Variants in STEAP1B observed in about 807,000 individuals in gnomAD.
STEAP1B encodes the protein STEAP family member 1B.
A neutral mutation model predicts 27.9 loss-of-function variants in STEAP1B; 13 were observed. That is an observed-to-expected ratio of 0.47 (90% CI 0.30 to 0.74). STEAP1B has a LOEUF of 0.74. STEAP1B is among the 30% of genes least tolerant of loss of function. The probability of loss-of-function intolerance (pLI) is 0.06; values close to 1 mark genes in which losing one functional copy is unlikely to be tolerated. For missense variants in STEAP1B, 250 were observed against 298.7 expected, an observed-to-expected ratio of 0.84 and a Z score of 1.20; for synonymous variants, 86 against 107.1, an observed-to-expected ratio of 0.80 and a Z score of 1.22.
At chr7:22,439,894 G>A (rs539069746) in intron 4 of STEAP1B, among the ~76,000 whole-genome samples, 2 of 152,134 alleles carry the variant, frequency 1.3e-5, no homozygotes, top group Non-Finnish European at 2.9e-5. Flanking sequence ...AAAACCTCAT[G>A]CATCAACAAT....
In STEAP1B at chr7:22,500,163, G is replaced by A. The variant is rs921019275; in HGVS notation, c.-81C>T. On this transcript the variant is annotated 5_prime_UTR_variant, in exon 1 of 5. Transcript: ENST00000678116. Reference sequence around the variant, plus strand: ...TGAGTCTCAGCTGCCGCTGCTGCCGGGAGGTGCCGGCCCCACGCGGCGCCT... The same window carrying A: ...TGAGTCTCAGCTGCCGCTGCTGCCGAGAGGTGCCGGCCCCACGCGGCGCCT... 1 of 152,832 alleles carries A rather than the reference G, an allele frequency of 6.5e-6. No individual in the cohort carries two copies. The highest frequency in any genetic ancestry group is 1.5e-5 in the Non-Finnish European group (1 of 68,280). 9.5% of individuals were successfully genotyped at this position (152,832 alleles called of 1,614,324 possible).
intron 4 of STEAP1B, among the ~76,000 whole-genome samples, chr7:22,445,649 C>T (rs571909266): frequency 1.2e-4 from 19 of 152,360 alleles, no homozygotes; most frequent in South Asian, 4.1e-4. Context: ...CGACCTTTTC[C>T]GGCTTGGGGG....
chr7:22,453,047 C>T (rs1482032662), intron 4 of STEAP1B, among the ~76,000 whole-genome samples: 1 of 152,188 alleles, frequency 6.6e-6, no homozygotes, highest in Non-Finnish European at 1.5e-5. Flanking sequence ...CCCAGATTGG[C>T]ACATGTTCCC....
intron 4 of STEAP1B, among the ~76,000 whole-genome samples, chr7:22,439,146 C>T (rs534435885): frequency 1.3e-5 from 2 of 152,270 alleles, no homozygotes; most frequent in African/African-American, 4.8e-5. Flanking sequence ...CTACCTCACA[C>T]ATCAGAACTG....
intron 4 of STEAP1B, among the ~76,000 whole-genome samples, chr7:22,456,972 A>ATATATATTTTTTTTTTTTTTTTT: frequency 6.8e-4 from 39 of 57,040 alleles, no homozygotes; most frequent in East Asian, 1.3e-3. Flanking sequence ...ATATATATAT[A>ATATATATTTTTTTTTTTTTTTTT]TTTTTTTTTT....
At chr7:22,464,535 C>T (rs1237682176) in intron 4 of STEAP1B, among the ~76,000 whole-genome samples, 2 of 152,082 alleles carry the variant, frequency 1.3e-5, no homozygotes, top group Middle Eastern at 3.2e-3. Flanking sequence ...TCCAGTACCT[C>T]GGAAAGTGAC....
chr7:22,450,620 A>T (rs1583637269), intron 4 of STEAP1B, among the ~76,000 whole-genome samples: 2 of 131,936 alleles, frequency 1.5e-5, no homozygotes, highest in African/African-American at 2.9e-5. Context: ...TTTGCTTAGG[A>T]TGGCTTTGGC....
intron 4 of STEAP1B, among the ~76,000 whole-genome samples, chr7:22,460,960 G>C (rs78794399): frequency 2.0e-5 from 3 of 152,104 alleles, no homozygotes; most frequent in Non-Finnish European, 2.9e-5. Flanking sequence ...ATCACAGAGC[G>C]TATGTTAAAG....
At chr7:22,435,402 C>T (rs1041611204) in intron 4 of STEAP1B, among the ~76,000 whole-genome samples, 5 of 151,478 alleles carry the variant, frequency 3.3e-5, no homozygotes, top group East Asian at 1.9e-4. Flanking sequence ...AGTGTCAAAA[C>T]GAAAATAAAA....
intron 4 of STEAP1B, among the ~76,000 whole-genome samples, chr7:22,445,896 C>T (rs1402507685): frequency 6.6e-6 from 1 of 152,216 alleles, no homozygotes; most frequent in African/African-American, 2.4e-5. Flanking sequence ...ATGAAACAAC[C>T]ACTAATCAGT....
At chr7:22,431,371 C>T (rs1311002572) in intron 4 of STEAP1B, among the ~76,000 whole-genome samples, 2 of 152,220 alleles carry the variant, frequency 1.3e-5, no homozygotes, top group Non-Finnish European at 2.9e-5. Flanking sequence ...CCCAATAGCT[C>T]TCTCAGAAGT....
In STEAP1B at chr7:22,500,171, C is replaced by G. The variant is rs1048187752; in HGVS notation, c.-89G>C. ...AGCTGCCGCTGCTGCCGGGAGGTGCCGGCCCCACGCGGCGCCTGAGCCTCC... is the reference window on the plus strand; with the variant it reads ...AGCTGCCGCTGCTGCCGGGAGGTGCGGGCCCCACGCGGCGCCTGAGCCTCC... On this transcript the variant is annotated 5_prime_UTR_variant, in exon 1 of 5. Coordinates refer to ENST00000678116, the MANE Select transcript of STEAP1B (RefSeq NM_001382447.1). The G allele has an allele frequency of 2.0e-5, 3 of 153,370 alleles. No individual in the cohort carries two copies. Among genetic ancestry groups the G allele is most frequent in the African/African-American group, 7.2e-5 (3 of 41,494 alleles). The allele number at this position is 153,370 out of a possible 1,614,324, so 9.5% of individuals were successfully genotyped here. A position where few individuals can be genotyped will look rare whatever the true frequency, so the allele number is the denominator to read the frequency against.
intron 4 of STEAP1B, among the ~76,000 whole-genome samples, chr7:22,489,497 T>C (rs1030689139): frequency 5.3e-5 from 8 of 152,168 alleles, no homozygotes; most frequent in Non-Finnish European, 1.5e-5. Context: ...GATAGGGTCT[T>C]TGCAGATGAT....
At chr7:22,441,157 A>G (rs1785327990) in intron 4 of STEAP1B, among the ~76,000 whole-genome samples, 1 of 152,132 alleles carries the variant, frequency 6.6e-6, no homozygotes, top group Admixed American at 6.5e-5. Flanking sequence ...TTGTTAGTCA[A>G]TTCCTAGTTT....
intron 4 of STEAP1B, among the ~76,000 whole-genome samples, chr7:22,435,548 A>AG (rs952701978): frequency 1.3e-5 from 2 of 152,148 alleles, no homozygotes; most frequent in African/African-American, 4.8e-5. Flanking sequence ...CTCAGCACCA[A>AG]GGGGGGTGGT....
At chr7:22,492,341 A>T in intron 4 of STEAP1B, 2 of 298,456 alleles carry the variant, frequency 6.7e-6, no homozygotes, top group Non-Finnish European at 1.0e-5. Context: ...AAAAAAAAAA[A>T]AAAAAAGGAT....
intron 4 of STEAP1B, among the ~76,000 whole-genome samples, chr7:22,479,168 C>T (rs1271104256): frequency 1.3e-5 from 2 of 152,156 alleles, no homozygotes; most frequent in Non-Finnish European, 2.9e-5. Flanking sequence ...CTATCATTTC[C>T]ACCCAGAAAT....
chr7:22,439,955 A>C (rs951888507), intron 4 of STEAP1B, among the ~76,000 whole-genome samples: 20 of 42,622 alleles, frequency 4.7e-4, no homozygotes, highest in African/African-American at 1.5e-3. Flanking sequence ...GCTCATCAGT[A>C]ATCTGATTTT....
In STEAP1B at chr7:22,420,433, T is replaced by C. The variant is rs1156649866; in HGVS notation, c.763-597A>G. On this transcript the variant is annotated intron_variant, in intron 4 of 4. Coordinates refer to ENST00000678116, the MANE Select transcript of STEAP1B (RefSeq NM_001382447.1). Reference sequence around the variant, plus strand: ...ATCCCACAGCCTGCTCATATCAACCTGTAAGAACCAATCATATGCATCTTT... The same window carrying C: ...ATCCCACAGCCTGCTCATATCAACCCGTAAGAACCAATCATATGCATCTTT... 2.6e-5 allele frequency among the ~76,000 whole-genome samples: 4 copies of C among 152,324 alleles called. 1 individual carries two copies. In the South Asian group the frequency reaches 8.3e-4, roughly 32 times the overall value.
Sources: allele counts gnomAD v4.1 joint callset (sites outside exome capture counted in the v4.1 genomes callset), GRCh38; gene constraint gnomAD v4.1.1; transcripts MANE v1.5; gene names NCBI Gene and HGNC (gene_info 2026-07-23, HGNC 2026-07-21).